Variants in SLC24A2 observed in about 807,000 individuals in gnomAD.
SLC24A2 encodes solute carrier family 24 member 2, also known as sodium/potassium/calcium exchanger 2.
In SLC24A2, 36 loss-of-function variants were observed where a neutral mutation model predicts 62.0. The ratio of observed to expected loss-of-function variants is 0.58; its 90% CI spans 0.44 to 0.77. The LOEUF is 0.77. Ranked by LOEUF, SLC24A2 falls within the 30% of genes least tolerant of loss-of-function variation. SLC24A2 has a pLI of 0.00. For synonymous variants in SLC24A2, 358 were observed against 294.0 expected, an observed-to-expected ratio of 1.22 and a Z score of -2.23; for missense variants, 846 against 817.9, an observed-to-expected ratio of 1.03 and a Z score of -0.42.
the SLC24A2 span, among the ~76,000 whole-genome samples, chr9:19,818,744 A>C: frequency 6.6e-6 from 1 of 152,204 alleles, no homozygotes; most frequent in Non-Finnish European, 1.5e-5. Context: ...GACAGATGGA[A>C]TCAACATTGT....
the SLC24A2 span, among the ~76,000 whole-genome samples, chr9:19,888,001 C>G: frequency 6.6e-6 from 1 of 152,098 alleles, no homozygotes; most frequent in Non-Finnish European, 1.5e-5. Flanking sequence ...GAGTGAGGGA[C>G]AAAAGCCTAC....
chr9:19,792,347 T>C (rs1484178266), upstream of SLC24A2, among the ~76,000 whole-genome samples: 2 of 151,870 alleles, frequency 1.3e-5, no homozygotes, highest in African/African-American at 4.8e-5. Flanking sequence ...TGACATTCAG[T>C]CTCAAGGGAA....
chr9:19,898,741 CAAAAAAAAAAAAAA>C, the SLC24A2 span, among the ~76,000 whole-genome samples: 3 of 97,282 alleles, frequency 3.1e-5, no homozygotes, highest in Non-Finnish European at 5.6e-5. Flanking sequence ...GACTCCATCT[CAAAAAAAAAAAAAA>C]AAAAAAAAAG....
the SLC24A2 span, among the ~76,000 whole-genome samples, chr9:20,025,379 G>T: frequency 3.3e-5 from 5 of 152,034 alleles, no homozygotes; most frequent in South Asian, 1.0e-3. Flanking sequence ...TCTATATTCA[G>T]TATACAAAAC....
chr9:20,093,340 G>A, the SLC24A2 span, among the ~76,000 whole-genome samples: 1 of 151,996 alleles, frequency 6.6e-6, no homozygotes, highest in Non-Finnish European at 1.5e-5. Context: ...CCAAAGTGCT[G>A]GGATTATAGG....
chr9:20,054,615 A>T, the SLC24A2 span, among the ~76,000 whole-genome samples: 2 of 152,150 alleles, frequency 1.3e-5, no homozygotes, highest in Non-Finnish European at 2.9e-5. Context: ...TTCAAAGTCC[A>T]TTATATAATT....
chr9:20,055,030 T>C, the SLC24A2 span, among the ~76,000 whole-genome samples: 1 of 152,164 alleles, frequency 6.6e-6, no homozygotes. Flanking sequence ...CTAAAGACAA[T>C]ATAATTCTAT....
At chr9:19,780,902 A>G (rs1194680647) in intron 2 of SLC24A2, among the ~76,000 whole-genome samples, 1 of 151,126 alleles carries the variant, frequency 6.6e-6, no homozygotes, top group Non-Finnish European at 1.5e-5. Flanking sequence ...AAGAGTGTAT[A>G]CATTCCAAAC....
At chr9:19,800,239 G>T in the SLC24A2 span, among the ~76,000 whole-genome samples, 1 of 152,120 alleles carries the variant, frequency 6.6e-6, no homozygotes, top group African/African-American at 2.4e-5. Context: ...TAGAAGTCCA[G>T]GTCTGACAAA....
the SLC24A2 span, among the ~76,000 whole-genome samples, chr9:20,142,082 A>AAAT: frequency 6.6e-6 from 1 of 152,052 alleles, no homozygotes; most frequent in African/African-American, 2.4e-5. Flanking sequence ...GACTCTACTG[A>AAAT]AATAATAATA....
chr9:19,656,038 C>T (rs573389179), intron 2 of SLC24A2, among the ~76,000 whole-genome samples: 2 of 152,280 alleles, frequency 1.3e-5, no homozygotes, highest in Admixed American at 1.3e-4. Context: ...TTTCTAAAGC[C>T]TCGTCTGCAA....
the SLC24A2 span, among the ~76,000 whole-genome samples, chr9:19,871,362 GT>G: frequency 6.6e-6 from 1 of 152,108 alleles, no homozygotes; most frequent in Non-Finnish European, 1.5e-5. Flanking sequence ...GGTACTTTGG[GT>G]TTGTTTAGCT....
At chr9:20,141,504 G>A in the SLC24A2 span, among the ~76,000 whole-genome samples, 1 of 151,986 alleles carries the variant, frequency 6.6e-6, no homozygotes, top group Non-Finnish European at 1.5e-5. Context: ...ACTGTGAAGA[G>A]TCTTCTGCTA....
chr9:19,886,317 T>C, the SLC24A2 span, among the ~76,000 whole-genome samples: 1 of 152,204 alleles, frequency 6.6e-6, no homozygotes, highest in African/African-American at 2.4e-5. Flanking sequence ...GGTATTTCAC[T>C]GTAGTTTTGA....
At chr9:19,639,703 C>A (rs745562230) in intron 2 of SLC24A2, among the ~76,000 whole-genome samples, 4 of 152,208 alleles carry the variant, frequency 2.6e-5, no homozygotes, top group Non-Finnish European at 5.9e-5. Context: ...TTTGCCTTAG[C>A]AATTCTCAAG....
At chr9:20,086,939 C>A in the SLC24A2 span, among the ~76,000 whole-genome samples, 1 of 152,186 alleles carries the variant, frequency 6.6e-6, no homozygotes, top group Non-Finnish European at 1.5e-5. Context: ...TACACATATT[C>A]CCATCTATGC....
At chr9:20,213,993 G>C in the SLC24A2 span, among the ~76,000 whole-genome samples, 1 of 152,136 alleles carries the variant, frequency 6.6e-6, no homozygotes, top group Non-Finnish European at 1.5e-5. Context: ...TATTTCGCTT[G>C]TCATAATGTC....
the SLC24A2 span, among the ~76,000 whole-genome samples, chr9:20,191,907 A>C: frequency 1.3e-5 from 2 of 152,126 alleles, no homozygotes; most frequent in African/African-American, 4.8e-5. Context: ...GAACAGTTCA[A>C]ACATATTAGA....
the SLC24A2 span, among the ~76,000 whole-genome samples, chr9:20,221,291 G>A: frequency 6.6e-6 from 1 of 152,074 alleles, no homozygotes; most frequent in African/African-American, 2.4e-5. Flanking sequence ...TCGTGGCTTA[G>A]GATACAGTGA....
Sources: gnomAD v4.1 joint callset for allele counts (sites outside exome capture counted in the v4.1 genomes callset) on GRCh38, gnomAD v4.1.1 for gene constraint, MANE v1.5 for transcripts, NCBI Gene and HGNC (gene_info 2026-07-23, HGNC 2026-07-21) for gene names.